Variants in DISC1 observed in about 807,000 individuals in gnomAD.
DISC1 encodes disrupted in schizophrenia 1 protein.
Under a neutral mutation model 84.5 loss-of-function variants are expected in DISC1, and 57 were observed. The ratio of observed to expected loss-of-function variants is 0.67; its 90% confidence interval spans 0.55 to 0.84. The LOEUF (loss-of-function observed/expected upper bound fraction) is 0.84, where lower values mean the gene tolerates loss of function less well. DISC1 is among the 40% of genes least tolerant of loss of function. The pLI is 0.00. For synonymous variants in DISC1, 411 were observed against 415.2 expected, an observed-to-expected ratio of 0.99 and a Z score of 0.12; for missense variants, 1,000 against 1,057.8, an observed-to-expected ratio of 0.95 and a Z score of 0.76.
At chr1:231,699,519 G>C (rs2066140146) in intron 2 of DISC1, among the ~76,000 whole-genome samples, 1 of 152,114 alleles carries the variant, frequency 6.6e-6, no homozygotes, top group South Asian at 2.1e-4. Flanking sequence ...AGCAAATCCT[G>C]TTGGCTCTAT....
intron 9 of DISC1, among the ~76,000 whole-genome samples, chr1:231,912,434 G>T (rs963226544): frequency 2.0e-5 from 3 of 152,212 alleles, no homozygotes; most frequent in Non-Finnish European, 2.9e-5. Flanking sequence ...GTTGGAGTTT[G>T]CTGGAGGTCC....
At position 231,940,419 on chromosome 1, in the gene DISC1, C is replaced by T. The variant is rs74146517; in HGVS notation, c.1982-18409C>T. ...CACTTGTTCTGCCAGTGTTGATTTGCAGGCGCAATTATATGTGTAAATGCA... is the reference window on the plus strand; with the variant it reads ...CACTTGTTCTGCCAGTGTTGATTTGTAGGCGCAATTATATGTGTAAATGCA... On this transcript the variant is annotated intron_variant, in intron 9 of 12. Coordinates refer to ENST00000439617, the MANE Select transcript of DISC1 (RefSeq NM_018662.3). Among the ~76,000 whole-genome samples, 1,016 of 152,308 alleles carry T rather than the reference C, an allele frequency of 6.7e-3. 5 individuals carry two copies. The highest frequency in any genetic ancestry group is 0.023 in the African/African-American group (948 of 41,554).
rs780931451 is a variant in DISC1 at position 232,036,973 on chromosome 1, T to A, written c.*142T>A. On this transcript the variant is annotated 3_prime_UTR_variant, in exon 13 of 13. Transcript: ENST00000439617. Reference sequence around the variant, plus strand: ...GGTCTTTCAGTGGAAAGGTGGTTCATGTTCATTCTCATCAGTGTGAAACTG... The same window carrying A: ...GGTCTTTCAGTGGAAAGGTGGTTCAAGTTCATTCTCATCAGTGTGAAACTG... 71 of 905,468 alleles carry A rather than the reference T, an allele frequency of 7.8e-5. No homozygotes were observed. Among genetic ancestry groups the A allele is most frequent in the Non-Finnish European group, 1.0e-4 (68 of 651,622 alleles). 56.1% of individuals were successfully genotyped at this position (905,468 alleles called of 1,614,324 possible).
chr1:231,756,405 G>A (rs571042163), intron 4 of DISC1, among the ~76,000 whole-genome samples: 1 of 152,274 alleles, frequency 6.6e-6, no homozygotes, highest in African/African-American at 2.4e-5. Context: ...TATTTCTAGA[G>A]ACTAGAATAG....
At chr1:231,727,215 T>C (rs1255295716) in intron 3 of DISC1, among the ~76,000 whole-genome samples, 1 of 152,210 alleles carries the variant, frequency 6.6e-6, no homozygotes, top group Non-Finnish European at 1.5e-5. Flanking sequence ...CATGGACACC[T>C]GTGCTTCTCA....
At chr1:231,805,108 A>G (rs2079598218) in intron 8 of DISC1, among the ~76,000 whole-genome samples, 1 of 152,190 alleles carries the variant, frequency 6.6e-6, no homozygotes, top group South Asian at 2.1e-4. Flanking sequence ...AAGAAAAGTA[A>G]TTTAGAGAGC....
chr1:231,726,670 T>TATAA (rs1234043993), intron 3 of DISC1, among the ~76,000 whole-genome samples: 51 of 152,330 alleles, frequency 3.3e-4, no homozygotes, highest in African/African-American at 1.2e-3. Flanking sequence ...GGCCAGTTCT[T>TATAA]ATAAATTGAT....
intron 12 of DISC1, among the ~76,000 whole-genome samples, chr1:232,033,269 T>C (rs1419581769): frequency 6.6e-6 from 1 of 152,180 alleles, no homozygotes; most frequent in East Asian, 1.9e-4. Context: ...CCACATCCAG[T>C]CTGTCACCAT....
At chr1:231,687,405 A>C (rs1392855403) in intron 1 of DISC1, among the ~76,000 whole-genome samples, 5 of 152,184 alleles carry the variant, frequency 3.3e-5, no homozygotes, top group Admixed American at 1.3e-4. Flanking sequence ...AAGAAGCAAA[A>C]GCAGAAGCCC....
intron 10 of DISC1, among the ~76,000 whole-genome samples, chr1:231,985,938 G>A (rs961861250): frequency 7.2e-5 from 11 of 152,154 alleles, no homozygotes; most frequent in Admixed American, 2.6e-4. Context: ...CATAAAATGC[G>A]TGAAAATCTG....
At chr1:231,950,048 C>G (rs1658036347) in intron 9 of DISC1, among the ~76,000 whole-genome samples, 1 of 152,214 alleles carries the variant, frequency 6.6e-6, no homozygotes, top group Non-Finnish European at 1.5e-5. Context: ...CCTGCCAGCA[C>G]TCAGTGTGAG....
intron 3 of DISC1, among the ~76,000 whole-genome samples, chr1:231,742,195 G>A (rs2073370091): frequency 6.6e-6 from 1 of 152,112 alleles, no homozygotes; most frequent in Non-Finnish European, 1.5e-5. Flanking sequence ...GTGTGTATTT[G>A]CCTCATGGCT....
chr1:231,713,905 G>A (rs2068305436), intron 3 of DISC1, among the ~76,000 whole-genome samples: 1 of 149,730 alleles, frequency 6.7e-6, no homozygotes, highest in Admixed American at 6.7e-5. Context: ...ACATTGCACT[G>A]CAAGTTATAG....
In DISC1 at chr1:231,828,862, A is replaced by G. The variant is rs909263676; in HGVS notation, c.1981+10345A>G. On this transcript the variant is annotated intron_variant, in intron 9 of 12. Coordinates refer to ENST00000439617, the MANE Select transcript of DISC1 (RefSeq NM_018662.3). ...GTTTGAGACAAATTTATCATTCCCA[A>G]TCTACCAATGTGTGAAACTGAGGCT... Among the ~76,000 whole-genome samples, 60 of 152,122 alleles carry G rather than the reference A, an allele frequency of 3.9e-4. 1 individual carries two copies. Among genetic ancestry groups the G allele is most frequent in the Non-Finnish European group, 1.3e-4 (9 of 68,012 alleles).
intron 12 of DISC1, among the ~76,000 whole-genome samples, chr1:232,030,224 T>TGAAA (rs1293299271): frequency 2.0e-5 from 3 of 152,196 alleles, no homozygotes; most frequent in Non-Finnish European, 4.4e-5. Flanking sequence ...TCATCTGGGG[T>TGAAA]CCTAATTAGC....
chr1:231,957,059 G>A (rs1474685175), intron 9 of DISC1, among the ~76,000 whole-genome samples: 3 of 152,234 alleles, frequency 2.0e-5, no homozygotes, highest in Non-Finnish European at 2.9e-5. Context: ...GGAGTGGCAA[G>A]GTTCTGGAAG....
intron 3 of DISC1, among the ~76,000 whole-genome samples, chr1:231,713,857 G>T (rs189709935): frequency 8.0e-6 from 1 of 124,706 alleles, no homozygotes; most frequent in African/African-American, 2.8e-5. Context: ...TATATATATA[G>T]GAGATATATA....
At chr1:231,641,990 T>C (rs886611937) in intron 1 of DISC1, among the ~76,000 whole-genome samples, 1 of 152,148 alleles carries the variant, frequency 6.6e-6, no homozygotes, top group African/African-American at 2.4e-5. Context: ...CTGGGCGCTG[T>C]GGAGCAGGGG....
intron 10 of DISC1, among the ~76,000 whole-genome samples, chr1:231,994,197 A>G (rs1211445386): frequency 6.6e-6 from 1 of 152,238 alleles, no homozygotes; most frequent in East Asian, 1.9e-4. Flanking sequence ...CCAGGGCTGA[A>G]CGTGCACAAT....
Sources: gnomAD v4.1 joint callset for allele counts (sites outside exome capture counted in the v4.1 genomes callset) on GRCh38, gnomAD v4.1.1 for gene constraint, MANE v1.5 for transcripts, NCBI Gene and HGNC (gene_info 2026-07-23, HGNC 2026-07-21) for gene names.